Variants in EFCAB7 observed in about 807,000 individuals in gnomAD.
The protein encoded by EFCAB7 is EF-hand calcium-binding domain-containing protein 7.
A neutral mutation model predicts 77.1 loss-of-function variants in EFCAB7; 66 were observed. That is an observed-to-expected ratio of 0.86 (90% CI 0.70 to 1.05). The LOEUF (loss-of-function observed/expected upper bound fraction) is 1.05. EFCAB7 is among the 50% of genes least tolerant of loss of function. The pLI is 0.00. For synonymous variants in EFCAB7, 225 were observed against 243.3 expected, an observed-to-expected ratio of 0.92 and a Z score of 0.70; for missense variants, 638 against 730.5, an observed-to-expected ratio of 0.87 and a Z score of 1.46.
At chr1:63,548,497 G>C (rs1235782003) in intron 7 of EFCAB7, 1 of 151,860 alleles carries the variant, frequency 6.6e-6, no homozygotes, top group African/African-American at 2.4e-5. Context: ...TCCTGCTTGG[G>C]GTTCTCTGAG....
chr1:63,578,338 G>A, the EFCAB7 span, among the ~76,000 whole-genome samples: 1 of 151,814 alleles, frequency 6.6e-6, no homozygotes, highest in Non-Finnish European at 1.5e-5. Context: ...TTTAATTATT[G>A]CTTATATAGA....
At position 63,555,359 on chromosome 1, in the gene EFCAB7, T is replaced by C. The variant is rs756366315; in HGVS notation, c.1058T>C (p.Val353Ala). 2.5e-6 allele frequency: 4 copies of C among 1,608,576 alleles called. No homozygotes were observed. Among genetic ancestry groups the C allele is most frequent in the Admixed American group, 1.7e-5 (1 of 58,634 alleles). ...TTTATTTCATTGTTTTGAGAAAAGG[T>C]GTTTGGATGGACTGGTGAACTAGGA... ...VCFTELRNRE[V>A]FGWTGELGPG... The change falls in exon 9 of 14, where the codon GTG (valine) becomes GCG (alanine). Residue 353 changes from valine (V) to alanine (A), a missense_variant and splice_region_variant. Physicochemically the swap from Val to Ala is moderately conservative, Grantham distance 64 (BLOSUM62 0). Coordinates refer to ENST00000371088, the MANE Select transcript of EFCAB7 (RefSeq NM_032437.4).
chr1:63,529,247 A>T (rs1022900933), intron 2 of EFCAB7: 2 of 152,228 alleles, frequency 1.3e-5, no homozygotes, highest in African/African-American at 4.8e-5. Flanking sequence ...AAGCCTTTAT[A>T]GGTATATGGA....
At chr1:63,535,621 C>G (rs1182769160) in intron 6 of EFCAB7, among the ~76,000 whole-genome samples, 1 of 151,820 alleles carries the variant, frequency 6.6e-6, no homozygotes, top group Non-Finnish European at 1.5e-5. Context: ...AGTTTTCTTA[C>G]CTATAAATAG....
the EFCAB7 span, among the ~76,000 whole-genome samples, chr1:63,581,241 T>C: frequency 2.0e-5 from 3 of 152,100 alleles, no homozygotes; most frequent in Non-Finnish European, 4.4e-5. Flanking sequence ...TTATAGAAGT[T>C]ACTTCTCTTT....
intron 6 of EFCAB7, 70 bp from the exon 7 acceptor site, chr1:63,545,844 TTC>T: frequency 7.8e-7 from 1 of 1,281,826 alleles, no homozygotes; most frequent in South Asian, 1.3e-5. Context: ...CCCCTGTGTT[TTC>T]TCCTCATTAC....
chr1:63,531,885 G>A lies in EFCAB7; in HGVS notation c.253G>A (p.Ala85Thr), dbSNP rs779501668. Residue 85 changes from alanine to threonine, a missense_variant, in exon 3 of 14, where the codon GCC becomes ACC. Coordinates refer to ENST00000371088, the MANE Select transcript of EFCAB7 (RefSeq NM_032437.4). The stretch of plus-strand genomic sequence containing the variant: ...TAATAAGTATTGGACTCCTCAAACT[G>A]CCAAACTGAATTTTGATGATTTTTG... ...TINKYWTPQT[A>T]KLNFDDFCII... The A allele has an allele frequency of 6.2e-7, 1 of 1,613,232 alleles. No homozygotes were observed. The highest frequency in any genetic ancestry group is 8.5e-7 in the Non-Finnish European group (1 of 1,179,490).
intron 7 of EFCAB7, chr1:63,550,610 C>G (rs1435176543): frequency 2.1e-5 from 3 of 143,944 alleles, no homozygotes; most frequent in African/African-American, 7.8e-5. Flanking sequence ...GTTCGACAAG[C>G]AACATTAAAA....
At chr1:63,552,961 G>T (rs2100906744) in intron 8 of EFCAB7, among the ~76,000 whole-genome samples, 1 of 151,824 alleles carries the variant, frequency 6.6e-6, no homozygotes, top group East Asian at 1.9e-4. Context: ...CTTTGTTTTG[G>T]GTAAAATTAC....
At chr1:63,553,690 A>G (rs542974834) in intron 8 of EFCAB7, among the ~76,000 whole-genome samples, 1 of 152,286 alleles carries the variant, frequency 6.6e-6, no homozygotes, top group East Asian at 1.9e-4. Context: ...TCTTGTATCA[A>G]AATAGGACCT....
intron 10 of EFCAB7, among the ~76,000 whole-genome samples, chr1:63,557,742 G>A (rs1016999307): frequency 2.0e-5 from 3 of 152,186 alleles, no homozygotes; most frequent in African/African-American, 7.2e-5. Context: ...AAAATGCCAA[G>A]ATGGACAAAG....
At chr1:63,576,441 T>C (rs1324241766), downstream of EFCAB7, among the ~76,000 whole-genome samples, 1 of 150,380 alleles carries the variant, frequency 6.6e-6, no homozygotes, top group Non-Finnish European at 1.5e-5. Flanking sequence ...GATCGCATCA[T>C]TGCATTCCAG....
At chr1:63,527,258 A>G (rs907114529) in intron 2 of EFCAB7, among the ~76,000 whole-genome samples, 1 of 152,214 alleles carries the variant, frequency 6.6e-6, no homozygotes, top group Admixed American at 6.5e-5. Context: ...TTATGAAATT[A>G]TCTGGGAGGA....
intron 6 of EFCAB7, among the ~76,000 whole-genome samples, chr1:63,537,964 A>C (rs1646782503): frequency 6.6e-6 from 1 of 152,168 alleles, no homozygotes; most frequent in South Asian, 2.1e-4. Flanking sequence ...GAAAAATGGG[A>C]CTATACTGAT....
chr1:63,560,394 G>T (rs545066099), intron 10 of EFCAB7, among the ~76,000 whole-genome samples: 1 of 150,604 alleles, frequency 6.6e-6, no homozygotes. Context: ...TTTTTTCATC[G>T]TTTCTACATA....
chr1:63,552,328 TTTTCTA>T (rs1646975562), intron 8 of EFCAB7, among the ~76,000 whole-genome samples: 2 of 152,226 alleles, frequency 1.3e-5, no homozygotes, highest in East Asian at 3.8e-4. Flanking sequence ...TACTTTCATC[TTTTCTA>T]AATGCCCTGA....
chr1:63,545,760 G>A (rs555254583), intron 6 of EFCAB7, among the ~76,000 whole-genome samples, 156 bp from the exon 7 acceptor site: 78 of 152,344 alleles, frequency 5.1e-4, no homozygotes, highest in African/African-American at 1.9e-3. Context: ...ATTTTGTTAT[G>A]TCTGTTTTCT....
At chr1:63,576,825 G>T (rs1017325600), downstream of EFCAB7, among the ~76,000 whole-genome samples, 2 of 151,220 alleles carry the variant, frequency 1.3e-5, no homozygotes, top group Admixed American at 1.3e-4. Context: ...GACAGAGAGA[G>T]ACTCTGTCTC....
At chr1:63,551,686 C>T (rs1646966467) in intron 7 of EFCAB7, 39 bp from the exon 8 acceptor site, 1 of 1,011,072 alleles carries the variant, frequency 9.9e-7, no homozygotes. Context: ...ATAGTGATTG[C>T]TTATTTTAAG....
Sources: gnomAD v4.1 joint callset for allele counts (sites outside exome capture counted in the v4.1 genomes callset) on GRCh38, gnomAD v4.1.1 for gene constraint, MANE v1.5 for transcripts, NCBI Gene and HGNC (gene_info 2026-07-23, HGNC 2026-07-21) for gene names.